TRABD2B: variants seen among roughly 807,000 people sequenced by gnomAD.
The protein encoded by TRABD2B is metalloprotease TIKI2.
Under a neutral mutation model 40.1 loss-of-function variants are expected in TRABD2B, and 14 were observed. The ratio of observed to expected loss-of-function variants is 0.35; its 90% CI spans 0.23 to 0.55. The LOEUF is 0.55. Ranked by LOEUF, TRABD2B falls within the 20% of genes least tolerant of loss-of-function variation. The pLI is 0.90. For missense variants in TRABD2B, 541 were observed against 648.6 expected (o/e 0.83, Z 1.80); for synonymous variants, 263 against 277.0 (o/e 0.95, Z 0.50).
rs115633118 is a variant in TRABD2B, at chr1:47,985,829, C to T, written c.666+8205G>A. On this transcript the variant is annotated intron_variant, in intron 2 of 6. Transcript: ENST00000606738. ...TTGCTGTAAAGTGACATTTGTTTGA[C>T]GAGCCCAAGCTTTTAACATGGATGG... 4.4e-3 allele frequency among the ~76,000 whole-genome samples: 671 copies of T among 152,254 alleles called. 4 individuals are homozygous for T. The highest frequency in any genetic ancestry group is 0.015 in the African/African-American group (631 of 41,536).
intron 6 of TRABD2B, among the ~76,000 whole-genome samples, chr1:47,767,578 G>A (rs909284179): frequency 2.0e-5 from 3 of 152,200 alleles, no homozygotes; most frequent in South Asian, 2.1e-4. Context: ...GGCACAAAGC[G>A]GTTAAGTGGC....
At chr1:47,899,552 C>G (rs1644570494) in intron 2 of TRABD2B, among the ~76,000 whole-genome samples, 1 of 152,176 alleles carries the variant, frequency 6.6e-6, no homozygotes, top group South Asian at 2.1e-4. Context: ...GCACTCTGCC[C>G]ATGAATCTTG....
chr1:47,770,126 T>G (rs1276894661), intron 6 of TRABD2B, among the ~76,000 whole-genome samples: 1 of 152,152 alleles, frequency 6.6e-6, no homozygotes. Context: ...AAGGGGCTGG[T>G]GGGCTGTACC....
chr1:47,920,231 T>C (rs1644883988), intron 2 of TRABD2B, among the ~76,000 whole-genome samples: 2 of 152,142 alleles, frequency 1.3e-5, no homozygotes, highest in Non-Finnish European at 2.9e-5. Flanking sequence ...TCTTGTACAG[T>C]GAAGGCAGTG....
chr1:47,889,292 G>A (rs1201709758), intron 2 of TRABD2B, among the ~76,000 whole-genome samples: 2 of 152,190 alleles, frequency 1.3e-5, no homozygotes, highest in African/African-American at 2.4e-5. Flanking sequence ...TGCAGAAGCC[G>A]AATGTCCTTG....
intron 2 of TRABD2B, among the ~76,000 whole-genome samples, chr1:47,824,389 C>T (rs1338953371): frequency 1.3e-5 from 2 of 152,196 alleles, no homozygotes; most frequent in Non-Finnish European, 2.9e-5. Flanking sequence ...CTCTGACGCC[C>T]ACCTACTGAC....
chr1:47,951,591 G>T (rs974848742), intron 2 of TRABD2B, among the ~76,000 whole-genome samples: 2 of 152,198 alleles, frequency 1.3e-5, no homozygotes, highest in African/African-American at 4.8e-5. Flanking sequence ...AGTCCCTCCA[G>T]ATGTGGGGCA....
In TRABD2B at chr1:47,813,796, T is replaced by A. The variant is rs768328007; in HGVS notation, c.667-12177A>T. Among the ~76,000 whole-genome samples the A allele has an allele frequency of 3.9e-5, 6 of 152,294 alleles. No individual in the cohort carries two copies. The highest frequency in any genetic ancestry group is 7.4e-5 in the Non-Finnish European group (5 of 68,020). ...AAGAGAGGCTGGAATTCTGCATATG[T>A]GGATGAGATTTCCGTTCTCTCTTCA... On this transcript the variant is annotated intron_variant, in intron 2 of 6. Transcript: ENST00000606738. The surrounding 1 kb of genome is among the most constrained non-coding windows in gnomAD (Gnocchi z 4.3).
intron 3 of TRABD2B, among the ~76,000 whole-genome samples, chr1:47,800,545 C>T (rs897905713): frequency 1.4e-4 from 22 of 152,162 alleles, no homozygotes; most frequent in Non-Finnish European, 5.9e-5. Flanking sequence ...GCCATGCAGG[C>T]CACTGTAGAG....
At chr1:47,850,611 C>T (rs1236575816) in intron 2 of TRABD2B, among the ~76,000 whole-genome samples, 2 of 152,222 alleles carry the variant, frequency 1.3e-5, no homozygotes, top group East Asian at 1.9e-4. Context: ...CAAGCCACCT[C>T]CCCATCTTGG....
At chr1:47,952,800 C>T (rs1645364474) in intron 2 of TRABD2B, among the ~76,000 whole-genome samples, 1 of 152,158 alleles carries the variant, frequency 6.6e-6, no homozygotes, top group African/African-American at 2.4e-5. Context: ...ATGAACTATC[C>T]CCAGTCTTAC....
At chr1:47,774,228 G>A (rs866998982) in intron 6 of TRABD2B, among the ~76,000 whole-genome samples, 3 of 152,118 alleles carry the variant, frequency 2.0e-5, no homozygotes, top group Admixed American at 6.5e-5. Flanking sequence ...AGGGTTTCGG[G>A]GGAAAATCCT....
intron 2 of TRABD2B, among the ~76,000 whole-genome samples, chr1:47,828,820 C>T (rs1029997477): frequency 6.6e-6 from 1 of 152,212 alleles, no homozygotes; most frequent in Non-Finnish European, 1.5e-5. Context: ...GTTTTAGACT[C>T]TCACGTGACA....
chr1:47,839,571 G>A (rs547504869), intron 2 of TRABD2B, among the ~76,000 whole-genome samples: 1 of 152,186 alleles, frequency 6.6e-6, no homozygotes, highest in Non-Finnish European at 1.5e-5. Flanking sequence ...CCAGCCTGCA[G>A]CCAGAGGGAA....
At chr1:47,895,303 A>C (rs895735101) in intron 2 of TRABD2B, among the ~76,000 whole-genome samples, 1 of 152,090 alleles carries the variant, frequency 6.6e-6, no homozygotes, top group Non-Finnish European at 1.5e-5. Context: ...CACTGAAGTT[A>C]CCATAAAGCA....
At chr1:47,852,229 G>C (rs1000473050) in intron 2 of TRABD2B, among the ~76,000 whole-genome samples, 1 of 152,166 alleles carries the variant, frequency 6.6e-6, no homozygotes, top group Non-Finnish European at 1.5e-5. Flanking sequence ...AGATAGACGA[G>C]GCCAGGCGGA....
chr1:47,908,091 C>T (rs1231483816), intron 2 of TRABD2B, among the ~76,000 whole-genome samples: 1 of 152,084 alleles, frequency 6.6e-6, no homozygotes, highest in African/African-American at 2.4e-5. Flanking sequence ...GAAATGAGAC[C>T]ATGGATATGT....
At chr1:47,767,721 G>C (rs3850880) in intron 6 of TRABD2B, among the ~76,000 whole-genome samples, 76,111 of 152,122 alleles carry the variant, frequency 0.5, 19,589 homozygotes, top group East Asian at 0.7. Flanking sequence ...GTAGAAACAG[G>C]GCAGGGCAGG....
intron 2 of TRABD2B, among the ~76,000 whole-genome samples, chr1:47,945,873 G>T (rs1463244774): frequency 6.6e-6 from 1 of 152,156 alleles, no homozygotes; most frequent in Non-Finnish European, 1.5e-5. Flanking sequence ...AAACATTTCT[G>T]TGTGAACAGA....
Sources: gnomAD v4.1 joint callset for allele counts (sites outside exome capture counted in the v4.1 genomes callset) on GRCh38, gnomAD v4.1.1 for gene constraint, Gnocchi (gnomAD v3.1) non-coding constraint, MANE v1.5 for transcripts, NCBI Gene and HGNC (gene_info 2026-07-23, HGNC 2026-07-21) for gene names.